The following PSD3 variants were observed in gnomAD, a reference collection of about 807,000 sequenced individuals.
PSD3 encodes the protein PH and SEC7 domain-containing protein 3.
A neutral mutation model predicts 105.5 loss-of-function variants in PSD3; 49 were observed. The observed-to-expected ratio is 0.46, with a 90% CI of 0.37 to 0.59. The LOEUF is 0.59. PSD3 is among the 20% of genes least tolerant of loss of function. The probability of loss-of-function intolerance (pLI) is 0.00; values close to 1 mark genes in which losing one functional copy is unlikely to be tolerated. For synonymous variants in PSD3, 557 were observed against 457.8 expected, an observed-to-expected ratio of 1.22 and a Z score of -2.77; for missense variants, 1,561 against 1,263.8, an observed-to-expected ratio of 1.24 and a Z score of -3.57.
At chr8:18,647,286 C>T (rs1400666499) in intron 10 of PSD3, among the ~76,000 whole-genome samples, 1 of 152,150 alleles carries the variant, frequency 6.6e-6, no homozygotes, top group Admixed American at 6.5e-5. Context: ...TAACACATGA[C>T]TGGAAGGACA....
At chr8:19,006,031 G>A (rs1248412364) in intron 1 of PSD3, among the ~76,000 whole-genome samples, 1 of 151,694 alleles carries the variant, frequency 6.6e-6, no homozygotes, top group Non-Finnish European at 1.5e-5. Flanking sequence ...TATAGGCCAG[G>A]TGCGGTGGCT....
chr8:18,819,695 C>A (rs1812526672), intron 4 of PSD3, among the ~76,000 whole-genome samples: 2 of 151,614 alleles, frequency 1.3e-5, no homozygotes, highest in African/African-American at 4.8e-5. Context: ...TCGCCCACCT[C>A]AGCCTCCTGA....
intron 1 of PSD3, among the ~76,000 whole-genome samples, chr8:19,075,226 G>C (rs139459820): frequency 2.6e-5 from 4 of 152,284 alleles, no homozygotes; most frequent in African/African-American, 9.6e-5. Context: ...GGGATTACAA[G>C]CATGAACCAC....
chr8:18,790,546 C>G (rs914114604), intron 8 of PSD3, among the ~76,000 whole-genome samples: 2 of 152,038 alleles, frequency 1.3e-5, no homozygotes, highest in Admixed American at 6.5e-5. Flanking sequence ...TCGTGATCTG[C>G]CCACCTTGGC....
chr8:18,925,503 T>C (rs184404284), intron 2 of PSD3, among the ~76,000 whole-genome samples: 321 of 152,152 alleles, frequency 2.1e-3, no homozygotes, highest in Middle Eastern at 0.01. Context: ...TCTCTAAAGA[T>C]ATACAGGTTG....
intron 1 of PSD3, among the ~76,000 whole-genome samples, chr8:18,956,298 A>T (rs1195744772): frequency 6.6e-5 from 10 of 152,162 alleles, no homozygotes; most frequent in African/African-American, 2.2e-4. Context: ...GTGGGCATGC[A>T]CAACACTGGT....
intron 1 of PSD3, among the ~76,000 whole-genome samples, chr8:18,937,407 G>A (rs1457627401): frequency 6.6e-6 from 1 of 152,104 alleles, no homozygotes; most frequent in Non-Finnish European, 1.5e-5. Flanking sequence ...TAACAGCAAC[G>A]AAGTAACTAT....
intron 4 of PSD3, among the ~76,000 whole-genome samples, chr8:18,860,227 T>C (rs1339511763): frequency 1.3e-5 from 2 of 151,976 alleles, no homozygotes; most frequent in African/African-American, 4.8e-5. Context: ...ATTGATAAGG[T>C]TTGCCACGTT....
rs569493495 is a variant in PSD3, at chr8:18,678,275, T to A, written c.2173-22590A>T. Among the ~76,000 whole-genome samples the A allele has an allele frequency of 2.0e-5, 3 of 152,298 alleles. No homozygotes were observed. In the South Asian group the frequency reaches 6.2e-4, roughly 32 times the overall value. On this transcript the variant is annotated intron_variant, in intron 9 of 15. Coordinates refer to ENST00000327040, the MANE Select transcript of PSD3 (RefSeq NM_015310.4). ...TATTTTGACCTAATAGTTTAAGTTGTTTAAAAAAAATTCTCCTTGGGAGCT... is the reference window on the plus strand; with the variant it reads ...TATTTTGACCTAATAGTTTAAGTTGATTAAAAAAAATTCTCCTTGGGAGCT...
intron 8 of PSD3, among the ~76,000 whole-genome samples, chr8:18,770,595 C>A (rs182216835): frequency 6.6e-6 from 1 of 152,156 alleles, no homozygotes; most frequent in Non-Finnish European, 1.5e-5. Context: ...TGAGTGGGTA[C>A]GGCAGCTCGG....
chr8:19,041,011 G>T (rs575564315), intron 1 of PSD3, among the ~76,000 whole-genome samples: 1 of 152,226 alleles, frequency 6.6e-6, no homozygotes, highest in South Asian at 2.1e-4. Flanking sequence ...TCTTGCCTCA[G>T]CCTCTCAAAG....
chr8:18,601,059 G>A (rs1299162612), intron 11 of PSD3, among the ~76,000 whole-genome samples: 2 of 152,094 alleles, frequency 1.3e-5, no homozygotes, highest in East Asian at 1.9e-4. Flanking sequence ...TTGACAGGAG[G>A]TATCCTTCAT....
chr8:18,618,801 C>G (rs1251276945), intron 11 of PSD3, among the ~76,000 whole-genome samples: 1 of 152,074 alleles, frequency 6.6e-6, no homozygotes, highest in African/African-American at 2.4e-5. Flanking sequence ...CCACCTTAGC[C>G]CCCTGACTAG....
intron 7 of PSD3, chr8:18,801,018 T>C: frequency 3.5e-6 from 1 of 282,960 alleles, no homozygotes; most frequent in Non-Finnish European, 6.5e-6. Context: ...TGTCCTTAAA[T>C]ATTATGCTTT....
At chr8:18,623,821 T>G (rs1285164731) in intron 11 of PSD3, among the ~76,000 whole-genome samples, 1 of 152,142 alleles carries the variant, frequency 6.6e-6, no homozygotes, top group African/African-American at 2.4e-5. Flanking sequence ...TAACAACCAT[T>G]CTATGTTTAA....
chr8:18,655,782 G>C, intron 9 of PSD3, 97 bp from the exon 10 acceptor site: 4 of 1,169,788 alleles, frequency 3.4e-6, no homozygotes, highest in Non-Finnish European at 5.1e-6. Context: ...AAAAGGATAG[G>C]CACGAAGCCC....
intron 2 of PSD3, among the ~76,000 whole-genome samples, chr8:18,916,537 C>T (rs1820620467): frequency 6.6e-6 from 1 of 151,704 alleles, no homozygotes; most frequent in Non-Finnish European, 1.5e-5. Flanking sequence ...AAATGTTGAG[C>T]ACACAGTAGC....
At chr8:18,935,403 C>T (rs548817327) in intron 2 of PSD3, among the ~76,000 whole-genome samples, 2 of 151,204 alleles carry the variant, frequency 1.3e-5, no homozygotes, top group South Asian at 2.1e-4. Flanking sequence ...GGGCTGGGCA[C>T]AGTGGCTCAC....
chr8:18,663,605 T>C (rs925170282), intron 9 of PSD3, among the ~76,000 whole-genome samples: 5 of 152,250 alleles, frequency 3.3e-5, no homozygotes, highest in Non-Finnish European at 1.5e-5. Context: ...AAACTACTTT[T>C]GCTTCACCTT....
Sources: gnomAD v4.1 joint callset for allele counts (sites outside exome capture counted in the v4.1 genomes callset) on GRCh38, gnomAD v4.1.1 for gene constraint, MANE v1.5 for transcripts, NCBI Gene and HGNC (gene_info 2026-07-23, HGNC 2026-07-21) for gene names.